Variants in PHACTR2 observed in about 807,000 individuals in gnomAD.
PHACTR2 encodes the protein chromosome 6 open reading frame 56.
In PHACTR2, 30 loss-of-function variants were observed where a neutral mutation model predicts 76.0. That is an observed-to-expected ratio of 0.39 (90% confidence interval 0.30 to 0.54). The LOEUF (loss-of-function observed/expected upper bound fraction) is 0.54. Among genes scored for constraint, PHACTR2 ranks in the 20% least tolerant of loss-of-function variants. The pLI, the probability that PHACTR2 is intolerant of heterozygous loss-of-function variation, is 0.61. For missense variants in PHACTR2, 696 were observed against 781.1 expected, an observed-to-expected ratio of 0.89 and a Z score of 1.30; for synonymous variants, 292 against 292.5, an observed-to-expected ratio of 1.00 and a Z score of 0.02.
intron 2 of PHACTR2, among the ~76,000 whole-genome samples, chr6:143,744,477 G>A (rs1185106421): frequency 6.6e-6 from 1 of 152,214 alleles, no homozygotes; most frequent in Non-Finnish European, 1.5e-5. Context: ...GTTTTGCAGG[G>A]AAAGAAGAGA....
rs914919495 is a variant in PHACTR2, at chr6:143,647,150, T to C, written c.13+38828T>C. Among the ~76,000 whole-genome samples, 20 of 152,170 alleles carry C rather than the reference T, an allele frequency of 1.3e-4. No homozygotes were observed. Among genetic ancestry groups the C allele is most frequent in the African/African-American group, 4.3e-4 (18 of 41,444 alleles). On this transcript the variant is annotated intron_variant, in intron 1 of 11. Coordinates refer to the PHACTR2 transcript ENST00000305766. The surrounding 1 kb of genome is among the most constrained non-coding windows in gnomAD (Gnocchi z 4.2). ...GGTTGCTGTTGACCTACATTGATAA[T>C]TGGAAATATTACAACTTATTGCAAA...
rs943338152 is a variant in PHACTR2 at position 143,662,318 on chromosome 6, T to C, written c.14-49698T>C. Among the ~76,000 whole-genome samples the C allele has an allele frequency of 5.3e-5, 8 of 152,282 alleles. No homozygotes were observed. In the East Asian group the frequency reaches 7.7e-4, roughly 15 times the overall value. On this transcript the variant is annotated intron_variant, in intron 1 of 11. Transcript: ENST00000305766. The surrounding 1 kb of genome is among the most constrained non-coding windows in gnomAD (Gnocchi z 4.7). Reference sequence around the variant, plus strand: ...TAGGAAATAACTTTATAGCTTTTTTTCCCCTATTTTAAAATACAAGGAACA... The same window carrying C: ...TAGGAAATAACTTTATAGCTTTTTTCCCCCTATTTTAAAATACAAGGAACA...
Position 143,774,230 on chromosome 6 carries a change from T to A in PHACTR2, c.1589+15T>A. The A allele has an allele frequency of 6.2e-7, 1 of 1,608,800 alleles. No individual in the cohort carries two copies. The highest frequency in any genetic ancestry group is 8.5e-7 in the Non-Finnish European group (1 of 1,175,358). ...AAGTTAGTCAGGTAATTGCTAACAT[T>A]TTAGGACAGTACTGACTAATTTGTA... On this transcript the variant is annotated intron_variant, in intron 8 of 12. Coordinates refer to ENST00000440869, the MANE Select transcript of PHACTR2 (RefSeq NM_001100164.2). The surrounding 1 kb of genome is among the most constrained non-coding windows in gnomAD (Gnocchi z 5.4).
rs1400848160 is a variant in PHACTR2, at chr6:143,767,475, A to C, written c.1232+1677A>C. 6.6e-6 allele frequency among the ~76,000 whole-genome samples: 1 copy of C among 152,242 alleles called. No homozygotes were observed. Among genetic ancestry groups the C allele is most frequent in the East Asian group, 1.9e-4 (1 of 5,204 alleles). On this transcript the variant is annotated intron_variant, in intron 6 of 12. Transcript: ENST00000440869. This position sits in a 1 kb window ranked among gnomAD's most constrained non-coding sequence, Gnocchi z 4.4. The stretch of plus-strand genomic sequence containing the variant: ...ATTTTCTTTGTTTGACATTTTAATA[A>C]AAGATATGGGAAAAGAAGATTTATT...
rs1775499905 is a variant in PHACTR2 at position 143,784,249 on chromosome 6, G to C, written c.1707+969G>C. Among the ~76,000 whole-genome samples the C allele has an allele frequency of 6.6e-6, 1 of 152,106 alleles. No individual in the cohort carries two copies. Among genetic ancestry groups the C allele is most frequent in the Non-Finnish European group, 1.5e-5 (1 of 68,022 alleles). On this transcript the variant is annotated intron_variant, in intron 10 of 12. Coordinates refer to ENST00000440869, the MANE Select transcript of PHACTR2 (RefSeq NM_001100164.2). This position sits in a 1 kb window ranked among gnomAD's most constrained non-coding sequence, Gnocchi z 4.5. ...AGCCTGCCTGCTACAGTGCTACCCAGATTGACAAATGTCTTACCTCCCAAA... is the reference window on the plus strand; with the variant it reads ...AGCCTGCCTGCTACAGTGCTACCCACATTGACAAATGTCTTACCTCCCAAA...
At chr6:143,650,794 A>C (rs1776750168) in intron 1 of PHACTR2, among the ~76,000 whole-genome samples, 1 of 152,218 alleles carries the variant, frequency 6.6e-6, no homozygotes, top group South Asian at 2.1e-4. Context: ...TGACGAAAAC[A>C]CCAAAATCAA....
At chr6:143,538,115 A>ACAC (rs1562677846) in intron 1 of PHACTR2, among the ~76,000 whole-genome samples, 1 of 138,676 alleles carries the variant, frequency 7.2e-6, no homozygotes, top group African/African-American at 2.7e-5. Flanking sequence ...CACACACACA[A>ACAC]ACACACAAAA....
At chr6:143,717,756 A>G (rs1048507566) in intron 2 of PHACTR2, among the ~76,000 whole-genome samples, 1 of 152,098 alleles carries the variant, frequency 6.6e-6, no homozygotes, top group Non-Finnish European at 1.5e-5. Context: ...TGTTTTTTGT[A>G]GAGACAGGGT....
Position 143,816,006 on chromosome 6 carries a change from A to C in PHACTR2, c.1923-7668A>C, listed in dbSNP as rs1297993710. On this transcript the variant is annotated intron_variant, in intron 12 of 12. Coordinates refer to ENST00000440869, the MANE Select transcript of PHACTR2 (RefSeq NM_001100164.2). This position sits in a 1 kb window ranked among gnomAD's most constrained non-coding sequence, Gnocchi z 4.5. ...CTTTATCTGAATTCCATAACTTAAA[A>C]ATAGCTTTTCCCCCATTCCCTCCCT... Among the ~76,000 whole-genome samples the C allele has an allele frequency of 6.6e-6, 1 of 152,194 alleles. No individual in the cohort carries two copies. The highest frequency in any genetic ancestry group is 1.5e-5 in the Non-Finnish European group (1 of 68,040).
intron 1 of PHACTR2, among the ~76,000 whole-genome samples, chr6:143,609,296 A>T (rs931101964): frequency 1.3e-5 from 2 of 152,258 alleles, no homozygotes; most frequent in Admixed American, 1.3e-4. Context: ...AGAGATTTTA[A>T]AGTCAGCGTG....
In PHACTR2 at chr6:143,548,297, A is replaced by G. The variant is rs1775039309; in HGVS notation, c.217+11090A>G. On this transcript the variant is annotated intron_variant, in intron 1 of 11. Coordinates refer to the PHACTR2 transcript ENST00000367584. This position sits in a 1 kb window ranked among gnomAD's most constrained non-coding sequence, Gnocchi z 4.5. ...ATCCTTATTACCTCCCAAAGACTCC[A>G]CCTCATAATACCATCATGTTAGGGG... Among the ~76,000 whole-genome samples, 1 of 149,744 alleles carries G rather than the reference A, an allele frequency of 6.7e-6. No individual in the cohort carries two copies. The highest frequency in any genetic ancestry group is 2.4e-5 in the African/African-American group (1 of 41,260).
intron 1 of PHACTR2, among the ~76,000 whole-genome samples, chr6:143,644,797 A>T (rs13220613): frequency 1.3e-5 from 2 of 148,736 alleles, no homozygotes; most frequent in Non-Finnish European, 3.0e-5. Context: ...TTTATTTTTC[A>T]TTTGCTTGTT....
Position 143,738,710 on chromosome 6 carries a change from C to T in PHACTR2, c.215-10275C>T, listed in dbSNP as rs529719331. 1.3e-5 allele frequency among the ~76,000 whole-genome samples: 2 copies of T among 150,994 alleles called. No individual in the cohort carries two copies. Among genetic ancestry groups the T allele is most frequent in the African/African-American group, 2.4e-5 (1 of 41,098 alleles). ...GGCGGAGGCTGCAGTGAGCCAAGAT[C>T]GTGCAACTGTACTCCAGCCTGGGTG... On this transcript the variant is annotated intron_variant, in intron 2 of 12. Transcript: ENST00000440869. The surrounding 1 kb of genome is among the most constrained non-coding windows in gnomAD (Gnocchi z 4.0).
intron 1 of PHACTR2, among the ~76,000 whole-genome samples, chr6:143,699,430 C>T (rs778233846): frequency 2.6e-5 from 4 of 152,170 alleles, no homozygotes; most frequent in Non-Finnish European, 4.4e-5. Context: ...AGGAGTTCAA[C>T]GTTCTTTATT....
chr6:143,582,007 G>A (rs1156976788), intron 1 of PHACTR2, among the ~76,000 whole-genome samples: 3 of 152,102 alleles, frequency 2.0e-5, no homozygotes, highest in Non-Finnish European at 1.5e-5. Flanking sequence ...TGGACAAAAG[G>A]CTGTACCGTC....
At position 143,782,244 on chromosome 6, in the gene PHACTR2, A is replaced by C. The variant is rs1775449158; in HGVS notation, c.1646-975A>C. Among the ~76,000 whole-genome samples, 1 of 152,146 alleles carries C rather than the reference A, an allele frequency of 6.6e-6. No homozygotes were observed. Among genetic ancestry groups the C allele is most frequent in the African/African-American group, 2.4e-5 (1 of 41,450 alleles). ...CCGTTTCAAAAAATAAAATAAAAAT[A>C]AAAATAAATAAACAAATAGAAGAAG... On this transcript the variant is annotated intron_variant, in intron 9 of 12. Coordinates refer to ENST00000440869, the MANE Select transcript of PHACTR2 (RefSeq NM_001100164.2). This position sits in a 1 kb window ranked among gnomAD's most constrained non-coding sequence, Gnocchi z 4.6.
rs6901659 is a variant in PHACTR2 at position 143,663,969 on chromosome 6, T to C, written c.14-48047T>C. Among the ~76,000 whole-genome samples, 24,651 of 152,064 alleles carry C rather than the reference T, an allele frequency of 0.16. 2,141 individuals are homozygous for C. Among genetic ancestry groups the C allele is most frequent in the East Asian group, 0.35 (1,806 of 5,182 alleles). ...TGACCTTAAAAATATTTTGTTTTCA[T>C]GATCTATTAGTTTTTGATGGTATGT... On this transcript the variant is annotated intron_variant, in intron 1 of 11. Coordinates refer to the PHACTR2 transcript ENST00000305766. The surrounding 1 kb of genome is among the most constrained non-coding windows in gnomAD (Gnocchi z 4.1).
chr6:143,650,166 A>T (rs1382167112), intron 1 of PHACTR2, among the ~76,000 whole-genome samples: 2 of 152,330 alleles, frequency 1.3e-5, no homozygotes, highest in East Asian at 3.9e-4. Context: ...AGAACTACAA[A>T]CCACTGCTCA....
chr6:143,614,448 G>A lies in PHACTR2; in HGVS notation c.13+6126G>A, dbSNP rs571515456. ...CATTTTTACCTTATTCTTCCTCTCC[G>A]GAGTTCTTCTCAACTTCCTGTTTCC... On this transcript the variant is annotated intron_variant, in intron 1 of 11. Transcript: ENST00000305766. Among the ~76,000 whole-genome samples the A allele has an allele frequency of 5.9e-5, 9 of 152,056 alleles. No individual in the cohort carries two copies. The East Asian group carries it at 7.8e-4, about 13-fold the overall frequency.
Sources: gnomAD v4.1 joint callset for allele counts (sites outside exome capture counted in the v4.1 genomes callset) on GRCh38, gnomAD v4.1.1 for gene constraint, Gnocchi (gnomAD v3.1) non-coding constraint, MANE v1.5 for transcripts, NCBI Gene and HGNC (gene_info 2026-07-23, HGNC 2026-07-21) for gene names.